The following DEFA6 variants were observed in gnomAD, a reference collection of about 807,000 sequenced individuals.
The protein encoded by DEFA6 is defensin-6.
Under a neutral mutation model 5.1 loss-of-function variants are expected in DEFA6, and 8 were observed. The observed-to-expected ratio is 1.57, with a 90% CI of 0.92 to 2.83. DEFA6 has a LOEUF of 2.83. DEFA6 is among the 30% of genes most tolerant of loss of function. DEFA6 has a pLI of 0.00. For synonymous variants in DEFA6, 74 were observed against 45.3 expected (o/e 1.63, Z -2.54); for missense variants, 191 against 119.1 (o/e 1.60, Z -2.81).
chr8:6,925,402 C>T (rs1808396578), intron 1 of DEFA6, among the ~76,000 whole-genome samples: 1 of 151,648 alleles, frequency 6.6e-6, no homozygotes, highest in South Asian at 2.1e-4. Flanking sequence ...GTGTCTGGTG[C>T]CTGTAATCCT....
chr8:6,925,534 A>G (rs1353315596), intron 1 of DEFA6, among the ~76,000 whole-genome samples: 2 of 152,184 alleles, frequency 1.3e-5, no homozygotes, highest in Non-Finnish European at 2.9e-5. Flanking sequence ...CAAACAAAAC[A>G]AAACAAAACA....
chr8:6,925,347 C>G (rs890404182), intron 1 of DEFA6, among the ~76,000 whole-genome samples: 5 of 137,412 alleles, frequency 3.6e-5, no homozygotes, highest in Non-Finnish European at 7.8e-5. Flanking sequence ...GGTGAAACCC[C>G]GTCTCTACTG....
rs1316919369 is a variant in DEFA6 at position 6,924,877 on chromosome 8, C to T, written c.244G>A (p.Glu82Lys). 2 of 1,611,946 alleles carry T rather than the reference C, an allele frequency of 1.2e-6. No homozygotes were observed. The highest frequency in any genetic ancestry group is 1.3e-5 in the African/African-American group (1 of 74,902). ...ACAGTGCAGGTCCCATAGGAATATT[C>T]TGTTGAATAACAGGACCTTCTGCAA... The part of the protein sequence containing the change: ...CHCRRSCYST[E>K]YSYGTCTVMG... The change falls in exon 2 of 2, where the codon GAA becomes AAA. Residue 82 changes from glutamate to lysine, a missense_variant. Glu to Lys is a moderately conservative substitution (Grantham distance 56, BLOSUM62 1). Coordinates refer to ENST00000297436, the MANE Select transcript of DEFA6 (RefSeq NM_001926.4).
Position 6,924,857 on chromosome 8 carries a change from G to T in DEFA6, c.264C>A (p.Cys88Ter), listed in dbSNP as rs770892638. ...CYSTEYSYGT[C>*]TVMGINHRFC... ...ATCTGTGGTTAATACCCATGACAGTGCAGGTCCCATAGGAATATTCTGTTG... is the reference window on the plus strand; with the variant it reads ...ATCTGTGGTTAATACCCATGACAGTTCAGGTCCCATAGGAATATTCTGTTG... The change falls in exon 2 of 2, where the codon TGC (cysteine) becomes TGA (stop). Residue 88 changes from cysteine to a stop codon, truncating the protein, a stop_gained. Transcript: ENST00000297436. LOFTEE classifies it low-confidence loss of function (END_TRUNC). 25 of 1,611,698 alleles carry T rather than the reference G, an allele frequency of 1.6e-5. No individual in the cohort carries two copies. Among genetic ancestry groups the T allele is most frequent in the Non-Finnish European group, 2.1e-5 (25 of 1,177,990 alleles).
rs1049634199 is a variant in DEFA6 at position 6,925,006 on chromosome 8, G to C, written c.194-79C>G. 6 of 886,482 alleles carry C rather than the reference G, an allele frequency of 6.8e-6. No individual in the cohort carries two copies. The East Asian group carries it at 1.5e-4, about 22-fold the overall frequency. The allele number at this position is 886,482 out of a possible 1,614,324, so 54.9% of individuals were successfully genotyped here. The stretch of plus-strand genomic sequence containing the variant: ...CAGTAAAGAGAATCTTCAGGAAGTT[G>C]CATGCTTGCTGACATGTAATGCTGG... On this transcript the variant is annotated intron_variant, in intron 1 of 1. Coordinates refer to ENST00000297436, the MANE Select transcript of DEFA6 (RefSeq NM_001926.4).
At chr8:6,925,019 C>G in intron 1 of DEFA6, 92 bp from the exon 2 acceptor site, 1 of 760,006 alleles carries the variant, frequency 1.3e-6, no homozygotes, top group Non-Finnish European at 2.3e-6. Flanking sequence ...TGCTTGCTGA[C>G]ATGTAATGCT....
At chr8:6,925,704 C>A (rs1485632294) in intron 1 of DEFA6, 139 bp downstream of exon 1, 7 of 589,200 alleles carry the variant, frequency 1.2e-5, no homozygotes, top group South Asian at 3.9e-5. Context: ...ACTGATTCTT[C>A]CTTTTCAGTA....
rs1187372630 is a variant in DEFA6 at position 6,925,981 on chromosome 8, C to A, written c.55G>T (p.Ala19Ser). 6.2e-7 allele frequency: 1 copy of A among 1,613,718 alleles called. No homozygotes were observed. The highest frequency in any genetic ancestry group is 8.5e-7 in the Non-Finnish European group (1 of 1,179,890). The change falls in exon 1 of 2, where the codon GCT becomes TCT. Residue 19 changes from alanine to serine, a missense_variant. By Grantham distance (99) the Ala-to-Ser change is moderately conservative (BLOSUM62 1). Transcript: ENST00000297436. Reference protein sequence around the residue: ...AVLLVALQAKAEPLQAEDDPL... With the variant: ...AVLLVALQAKSEPLQAEDDPL... ...TCATCCTCAGCTTGGAGTGGCTCAG[C>A]CTTGGCCTGGAGGGCCACGAGGAGA... is the stretch of plus-strand genomic sequence containing the variant.
In DEFA6 at chr8:6,924,825, C is replaced by A; in HGVS notation, c.296G>T (p.Cys99Phe). ...TVMGINHRFC[C>F]L ...TCTCTCTGTTCTCATCCCTCAGAGG[C>A]AGCAGAATCTGTGGTTAATACCCAT... is the stretch of plus-strand genomic sequence containing the variant. Residue 99 changes from cysteine (C) to phenylalanine (F), a missense_variant, in exon 2 of 2, where the codon TGC becomes TTC. Physicochemically the swap from Cys to Phe is radical, Grantham distance 205. Transcript: ENST00000297436. The A allele has an allele frequency of 6.3e-7, 1 of 1,598,920 alleles. No homozygotes were observed. Among genetic ancestry groups the A allele is most frequent in the Non-Finnish European group, 8.6e-7 (1 of 1,167,562 alleles).
chr8:6,924,943 G>C lies in DEFA6; in HGVS notation c.194-16C>G. The C allele has an allele frequency of 3.2e-6, 5 of 1,563,836 alleles. No homozygotes were observed. The highest frequency in any genetic ancestry group is 4.4e-6 in the Non-Finnish European group (5 of 1,137,796). The stretch of plus-strand genomic sequence containing the variant: ...CTTGTTGAGCCTGGGGACAGAGAGA[G>C]AGAGCATCAGAAATTGAGCACCAGG... On this transcript the variant is annotated splice_polypyrimidine_tract_variant and intron_variant, in intron 1 of 1. Transcript: ENST00000297436.
chr8:6,925,926 T>G lies in DEFA6; in HGVS notation c.110A>C (p.Asp37Ala), dbSNP rs748394113. The G allele has an allele frequency of 1.9e-6, 3 of 1,614,024 alleles. No homozygotes were observed. The African/African-American group carries it at 4.0e-5, about 22-fold the overall frequency. The change falls in exon 1 of 2, where the codon GAT (aspartate) becomes GCT (alanine). Residue 37 changes from aspartate (D) to alanine (A), a missense_variant. Asp to Ala is a moderately radical substitution (Grantham distance 126). Coordinates refer to ENST00000297436, the MANE Select transcript of DEFA6 (RefSeq NM_001926.4). Reference protein sequence around the residue: ...DPLQAKAYEADAQEQRGANDQ... With the variant: ...DPLQAKAYEAAAQEQRGANDQ... ...ATTTGCCCCACGCTGCTCCTGGGCATCAGCCTCATAAGCTTTTGCCTGCAG... is the reference window on the plus strand; with the variant it reads ...ATTTGCCCCACGCTGCTCCTGGGCAGCAGCCTCATAAGCTTTTGCCTGCAG...
In DEFA6 at chr8:6,924,786, A is replaced by T. The variant is rs1316602822; in HGVS notation, c.*32T>A. On this transcript the variant is annotated 3_prime_UTR_variant, in exon 2 of 2. Coordinates refer to ENST00000297436, the MANE Select transcript of DEFA6 (RefSeq NM_001926.4). ...AGTTTCCTTCTAGGTCATAAAGTAA[A>T]TTATGAATATATTTCTCTCTGTTCT... 6.9e-7 allele frequency: 1 copy of T among 1,447,956 alleles called. No individual in the cohort carries two copies. The highest frequency in any genetic ancestry group is 9.6e-7 in the Non-Finnish European group (1 of 1,037,968). 89.7% of individuals were successfully genotyped at this position (1,447,956 alleles called of 1,614,324 possible).
chr8:6,925,946 C>G lies in DEFA6; in HGVS notation c.90G>C (p.Gln30His), dbSNP rs773091163. Residue 30 changes from glutamine to histidine, a missense_variant, in exon 1 of 2, where the codon CAG becomes CAC. By Grantham distance (24) the Gln-to-His change is conservative. Transcript: ENST00000297436. The stretch of plus-strand genomic sequence containing the variant: ...GGGCATCAGCCTCATAAGCTTTTGC[C>G]TGCAGTGGATCATCCTCAGCTTGGA... Reference protein sequence around the residue: ...EPLQAEDDPLQAKAYEADAQE... With the variant: ...EPLQAEDDPLHAKAYEADAQE... 4.0e-5 allele frequency: 65 copies of G among 1,614,052 alleles called. No individual in the cohort carries two copies. The highest frequency in any genetic ancestry group is 5.5e-5 in the Non-Finnish European group (65 of 1,179,998).
chr8:6,925,972 G>A lies in DEFA6; in HGVS notation c.64C>T (p.Leu22Phe), dbSNP rs748526832. The change falls in exon 1 of 2, where the codon CTC (leucine) becomes TTC (phenylalanine). Residue 22 changes from leucine (L) to phenylalanine (F), a missense_variant. Coordinates refer to ENST00000297436, the MANE Select transcript of DEFA6 (RefSeq NM_001926.4). The stretch of plus-strand genomic sequence containing the variant: ...TGCAGTGGATCATCCTCAGCTTGGA[G>A]TGGCTCAGCCTTGGCCTGGAGGGCC... ...LVALQAKAEP[L>F]QAEDDPLQAK... 13 of 1,613,814 alleles carry A rather than the reference G, an allele frequency of 8.1e-6. No homozygotes were observed. The Admixed American group carries it at 1.5e-4, about 19-fold the overall frequency.
rs61745836 is a variant in DEFA6, at chr8:6,924,863, C to T, written c.258G>A (p.Gly86=). ...GGTTAATACCCATGACAGTGCAGGTCCCATAGGAATATTCTGTTGAATAAC... is the reference window on the plus strand; with the variant it reads ...GGTTAATACCCATGACAGTGCAGGTTCCATAGGAATATTCTGTTGAATAAC... The part of the protein sequence containing the change: ...RSCYSTEYSY[G]TCTVMGINHR... The change falls in exon 2 of 2, where the codon GGG becomes GGA. Residue 86 remains glycine (G), a synonymous_variant. Transcript: ENST00000297436. The T allele has an allele frequency of 1.2e-6, 2 of 1,611,834 alleles. No individual in the cohort carries two copies. The highest frequency in any genetic ancestry group is 1.7e-6 in the Non-Finnish European group (2 of 1,178,098).
rs116451664 is a variant in DEFA6, at chr8:6,925,898, G to C, written c.138C>G (p.Asp46Glu). 2,258 of 1,614,136 alleles carry C rather than the reference G, an allele frequency of 1.4e-3. 22 individuals carry two copies. The African/African-American group carries it at 0.024, about 17-fold the overall frequency. The change falls in exon 1 of 2, where the codon GAC (aspartate) becomes GAG (glutamate). Residue 46 changes from aspartate (D) to glutamate (E), a missense_variant. By Grantham distance (45) the Asp-to-Glu change is conservative (BLOSUM62 2). Transcript: ENST00000297436. ...ADAQEQRGAN[D>E]QDFAVSFAED... is the part of the protein sequence containing the mutation. Reference sequence around the variant, plus strand: ...CTGCAAAGGAGACGGCAAAGTCCTGGTCATTTGCCCCACGCTGCTCCTGGG... The same window carrying C: ...CTGCAAAGGAGACGGCAAAGTCCTGCTCATTTGCCCCACGCTGCTCCTGGG...
intron 1 of DEFA6, among the ~76,000 whole-genome samples, chr8:6,925,430 A>C (rs2117314312): frequency 6.6e-6 from 1 of 152,128 alleles, no homozygotes; most frequent in South Asian, 2.1e-4. Flanking sequence ...TGGGAGGCTG[A>C]GGGAGAGAAT....
At chr8:6,925,061 C>T (rs1047486351) in intron 1 of DEFA6, 134 bp from the exon 2 acceptor site, 7 of 606,396 alleles carry the variant, frequency 1.2e-5, no homozygotes, top group African/African-American at 9.1e-5. Flanking sequence ...ATGATCACAC[C>T]ATCAATAGGA....
At chr8:6,924,966 A>G (rs1458989733) in intron 1 of DEFA6, 39 bp from the exon 2 acceptor site, 2 of 1,396,188 alleles carry the variant, frequency 1.4e-6, no homozygotes, top group East Asian at 2.3e-5. Flanking sequence ...ATTGAGCACC[A>G]GGGTCAGCAG....
Sources: gnomAD v4.1 joint callset for allele counts (sites outside exome capture counted in the v4.1 genomes callset) on GRCh38, gnomAD v4.1.1 for gene constraint, MANE v1.5 for transcripts, NCBI Gene and HGNC (gene_info 2026-07-23, HGNC 2026-07-21) for gene names.